The following PRKCI variants were observed in gnomAD, a reference collection of about 807,000 sequenced individuals.
The protein encoded by PRKCI is protein kinase C iota type.
In PRKCI, 43 loss-of-function variants were observed where a neutral mutation model predicts 84.0. The observed-to-expected ratio is 0.51, with a 90% CI of 0.40 to 0.66. PRKCI has a LOEUF of 0.66. Among genes scored for constraint, PRKCI ranks in the 30% least tolerant of loss-of-function variants. The pLI, the probability that PRKCI is intolerant of heterozygous loss-of-function variation, is 0.00. For missense variants in PRKCI, 459 were observed against 745.6 expected (o/e 0.62, Z 4.48); for synonymous variants, 216 against 234.4 (o/e 0.92, Z 0.72).
chr3:170,278,105 T>C (rs1003639394), intron 8 of PRKCI, among the ~76,000 whole-genome samples: 1 of 152,236 alleles, frequency 6.6e-6, no homozygotes, highest in African/African-American at 2.4e-5. Context: ...TTTTCTTCTT[T>C]TTTAGGCCCT....
At chr3:170,284,044 C>T (rs563496088) in intron 11 of PRKCI, among the ~76,000 whole-genome samples, 3 of 151,748 alleles carry the variant, frequency 2.0e-5, no homozygotes, top group African/African-American at 4.8e-5. Context: ...TTTCTATTCT[C>T]GACCCCATTA....
At chr3:170,270,615 A>C in intron 6 of PRKCI, 54 bp downstream of exon 6, 1 of 1,519,540 alleles carries the variant, frequency 6.6e-7, no homozygotes, top group Non-Finnish European at 8.8e-7. Context: ...GCTTGATAAC[A>C]CTGCTATAAC....
rs1192864232 is a variant in PRKCI, at chr3:170,228,614, TATACACAC to T, written c.101+5846_101+5853del. On this transcript the variant is annotated intron_variant, in intron 1 of 17. Transcript: ENST00000295797. ...ATACACACACACAAATATATATATA[TATACACAC>T]ACACACACACACACACACATATACA... is the stretch of plus-strand genomic sequence containing the variant. 4.8e-3 allele frequency among the ~76,000 whole-genome samples: 608 copies of T among 127,244 alleles called. 9 individuals carry two copies. The highest frequency in any genetic ancestry group is 0.018 in the African/African-American group (587 of 32,228). 83.5% of individuals were successfully genotyped at this position (127,244 alleles called of 152,430 possible). A position where few individuals can be genotyped will look rare whatever the true frequency, so the allele number is the denominator to read the frequency against.
At chr3:170,255,513 G>A (rs769831725) in intron 2 of PRKCI, among the ~76,000 whole-genome samples, 9 of 152,032 alleles carry the variant, frequency 5.9e-5, no homozygotes, top group Non-Finnish European at 1.3e-4. Flanking sequence ...CATATCCTTC[G>A]ACTTTACTGA....
At chr3:170,288,391 T>G (rs983779524) in intron 12 of PRKCI, among the ~76,000 whole-genome samples, 1 of 152,242 alleles carries the variant, frequency 6.6e-6, no homozygotes, top group African/African-American at 2.4e-5. Flanking sequence ...ATCTGAGATC[T>G]TTATCGAGTA....
intron 12 of PRKCI, among the ~76,000 whole-genome samples, chr3:170,288,734 G>A (rs1216249558): frequency 6.6e-6 from 1 of 152,094 alleles, no homozygotes; most frequent in Non-Finnish European, 1.5e-5. Flanking sequence ...TCCAGACTGG[G>A]CAACAGAGTG....
In PRKCI at chr3:170,293,553, C is replaced by G. The variant is rs532008332; in HGVS notation, c.1417+45C>G. 15 of 1,583,500 alleles carry G rather than the reference C, an allele frequency of 9.5e-6. No individual in the cohort carries two copies. In the East Asian group the frequency reaches 2.7e-4, roughly 28 times the overall value. ...AGAGATTCTCTGAGAAAAACCTATTCTAGAGTACAAATGAGAGTGATTCAG... is the reference window on the plus strand; with the variant it reads ...AGAGATTCTCTGAGAAAAACCTATTGTAGAGTACAAATGAGAGTGATTCAG... On this transcript the variant is annotated intron_variant, in intron 14 of 17. Coordinates refer to ENST00000295797, the MANE Select transcript of PRKCI (RefSeq NM_002740.6).
chr3:170,249,678 A>G (rs1220930228), intron 2 of PRKCI, among the ~76,000 whole-genome samples: 1 of 151,976 alleles, frequency 6.6e-6, no homozygotes, highest in African/African-American at 2.4e-5. Context: ...TGTGGGATTC[A>G]GCTCCCACCT....
In PRKCI at chr3:170,225,572, C is replaced by CT. The variant is rs149893996; in HGVS notation, c.101+2816dup. On this transcript the variant is annotated intron_variant, in intron 1 of 17. Coordinates refer to ENST00000295797, the MANE Select transcript of PRKCI (RefSeq NM_002740.6). The stretch of plus-strand genomic sequence containing the variant: ...CTCTATCCCTCTACACTTTTCTTTT[C>CT]TTTTTTTTTTTTTTAAATAGAGACA... 1.1e-3 allele frequency among the ~76,000 whole-genome samples: 156 copies of CT among 142,698 alleles called. 1 individual carries two copies. Among genetic ancestry groups the CT allele is most frequent in the African/African-American group, 1.7e-3 (67 of 39,202 alleles). 93.6% of individuals were successfully genotyped at this position (142,698 alleles called of 152,430 possible).
At chr3:170,271,277 T>C (rs1733999271) in intron 6 of PRKCI, among the ~76,000 whole-genome samples, 1 of 152,174 alleles carries the variant, frequency 6.6e-6, no homozygotes, top group Admixed American at 6.6e-5. Flanking sequence ...AGTTATCAAC[T>C]CATGTCTAAT....
At chr3:170,277,171 C>T (rs1318879391) in intron 8 of PRKCI, among the ~76,000 whole-genome samples, 1 of 151,026 alleles carries the variant, frequency 6.6e-6, no homozygotes, top group African/African-American at 2.4e-5. Context: ...ATCATTGGAA[C>T]TGGGGAGGCG....
chr3:170,268,056 A>G, intron 5 of PRKCI, 56 bp downstream of exon 5: 4 of 1,368,488 alleles, frequency 2.9e-6, no homozygotes, highest in Non-Finnish European at 3.1e-6. Context: ...TTCCCTTTCT[A>G]CTATGAAAGA....
intron 12 of PRKCI, among the ~76,000 whole-genome samples, chr3:170,287,999 C>A (rs562448781): frequency 6.6e-6 from 1 of 151,226 alleles, no homozygotes; most frequent in South Asian, 2.2e-4. Context: ...GTAATCCCAG[C>A]ATTTTGGGAG....
At chr3:170,294,984 C>T (rs1470049802) in intron 14 of PRKCI, among the ~76,000 whole-genome samples, 1 of 149,592 alleles carries the variant, frequency 6.7e-6, no homozygotes, top group East Asian at 2.0e-4. Context: ...CCGAGATGGG[C>T]GGATCACTTG....
intron 15 of PRKCI, among the ~76,000 whole-genome samples, 167 bp downstream of exon 15, chr3:170,296,157 T>G (rs1404769811): frequency 6.6e-6 from 1 of 152,206 alleles, no homozygotes; most frequent in Non-Finnish European, 1.5e-5. Flanking sequence ...CAGCATTAGA[T>G]CCTGAGATAA....
chr3:170,268,949 C>G (rs1560177607), intron 5 of PRKCI, among the ~76,000 whole-genome samples: 4 of 152,114 alleles, frequency 2.6e-5, no homozygotes. Context: ...GAGTCCCGCT[C>G]TATCGCCCAG....
chr3:170,305,528 AC>A lies in PRKCI; in HGVS notation c.*2403del, dbSNP rs1355297189. The stretch of plus-strand genomic sequence containing the variant: ...AGCATTTTTCTATGATGAGGTTTTA[AC>A]CATTATTCAGGGTGGTCTTTTGTTT... On this transcript the variant is annotated 3_prime_UTR_variant, in exon 18 of 18. Transcript: ENST00000295797. 6.6e-6 allele frequency: 1 copy of A among 152,348 alleles called. No individual in the cohort carries two copies. 9.4% of individuals were successfully genotyped at this position (152,348 alleles called of 1,614,324 possible). A position where few individuals can be genotyped will look rare whatever the true frequency, so the allele number is the denominator to read the frequency against.
At chr3:170,242,104 C>T (rs746705860) in intron 2 of PRKCI, among the ~76,000 whole-genome samples, 3 of 151,802 alleles carry the variant, frequency 2.0e-5, no homozygotes, top group South Asian at 2.1e-4. Flanking sequence ...AGCAAAACTC[C>T]GTCTCAAAAA....
chr3:170,292,695 G>T (rs1734581985), intron 13 of PRKCI, among the ~76,000 whole-genome samples: 1 of 143,290 alleles, frequency 7.0e-6, no homozygotes, highest in Non-Finnish European at 1.5e-5. Flanking sequence ...GGGCGACAGA[G>T]TGAAACTCTG....
Sources: gnomAD v4.1 joint callset for allele counts (sites outside exome capture counted in the v4.1 genomes callset) on GRCh38, gnomAD v4.1.1 for gene constraint, MANE v1.5 for transcripts, NCBI Gene and HGNC (gene_info 2026-07-23, HGNC 2026-07-21) for gene names.